The following PRAP1 variants were observed in gnomAD, a reference collection of about 807,000 sequenced individuals.
PRAP1 encodes the protein proline rich acidic protein 1, also known as proline-rich acidic protein 1.
In PRAP1, 12 loss-of-function variants were observed where a neutral mutation model predicts 14.6. That is an observed-to-expected ratio of 0.82 (90% CI 0.53 to 1.33). The LOEUF (loss-of-function observed/expected upper bound fraction) is 1.33. Among genes scored for constraint, PRAP1 ranks in the 40% most tolerant of loss-of-function variants. The pLI, the probability that PRAP1 is intolerant of heterozygous loss-of-function variation, is 0.00. For missense variants in PRAP1, 160 were observed against 193.7 expected, an observed-to-expected ratio of 0.83 and a Z score of 1.03; for synonymous variants, 81 against 80.3, an observed-to-expected ratio of 1.01 and a Z score of -0.04.
Position 133,352,359 on chromosome 10 carries a change from G to T in PRAP1, c.375G>T (p.Arg125Ser), listed in dbSNP as rs757706450. 1.9e-6 allele frequency: 3 copies of T among 1,613,116 alleles called. No individual in the cohort carries two copies. The South Asian group carries it at 3.3e-5, about 18-fold the overall frequency. ...PPPEEDQGEE[R>S]PRLWVMPNHQ... ...CTGAGGAGGACCAGGGCGAGGAGAGGCCCCGGTTGTGGGTGATGCCAAATC... is the reference window on the plus strand; with the variant it reads ...CTGAGGAGGACCAGGGCGAGGAGAGTCCCCGGTTGTGGGTGATGCCAAATC... The change falls in exon 5 of 5, where the codon AGG (arginine) becomes AGT (serine). Residue 125 changes from arginine to serine, a missense_variant. Arg to Ser is a moderately radical substitution (Grantham distance 110). Transcript: ENST00000433452.
chr10:133,352,480 C>A lies in PRAP1; in HGVS notation c.*40C>A. 1.3e-6 allele frequency: 2 copies of A among 1,571,948 alleles called. No homozygotes were observed. The highest frequency in any genetic ancestry group is 1.7e-6 in the Non-Finnish European group (2 of 1,148,562). ...TCACTGCCCCCGCCCTGTCCCAAGG[C>A]CCAGGCTGTTGGGACTGGGACCCTC... On this transcript the variant is annotated 3_prime_UTR_variant, in exon 5 of 5. Transcript: ENST00000433452.
intron 1 of PRAP1, among the ~76,000 whole-genome samples, chr10:133,349,891 G>A (rs186130967): frequency 6.6e-6 from 1 of 152,240 alleles, no homozygotes; most frequent in East Asian, 1.9e-4. Context: ...TCTGGCCTGA[G>A]GGGGGCTGGA....
At chr10:133,348,514 T>G (rs542338154) in intron 1 of PRAP1, among the ~76,000 whole-genome samples, 10,689 of 147,310 alleles carry the variant, frequency 0.073, 842 homozygotes, top group African/African-American at 0.21. Flanking sequence ...TAAGTTTTGT[T>G]TTTTTTTTTT....
In PRAP1 at chr10:133,351,133, G is replaced by A. The variant is rs1169769840; in HGVS notation, c.76-248G>A. Among the ~76,000 whole-genome samples, 3 of 152,124 alleles carry A rather than the reference G, an allele frequency of 2.0e-5. No homozygotes were observed. The highest frequency in any genetic ancestry group is 2.1e-4 in the South Asian group (1 of 4,826). ...CCCAGTCCTGTGCTGCCCCAGACCC[G>A]GCCAGAATTCCAGGCCAGCTGGTCA... On this transcript the variant is annotated intron_variant, in intron 2 of 4. Coordinates refer to ENST00000433452, the MANE Select transcript of PRAP1 (RefSeq NM_145202.5). This position sits in a 1 kb window ranked among gnomAD's most constrained non-coding sequence, Gnocchi z 4.3.
Position 133,352,615 on chromosome 10 carries a change from G to C in PRAP1, c.*175G>C. On this transcript the variant is annotated 3_prime_UTR_variant, in exon 5 of 5. Coordinates refer to ENST00000433452, the MANE Select transcript of PRAP1 (RefSeq NM_145202.5). ...GAGGCAGGCGGATCACCTGAAATCA[G>C]GAGTTCCAGACCAGCCTGGGCAACA... 1.7e-6 allele frequency: 1 copy of C among 593,700 alleles called. No homozygotes were observed. Among genetic ancestry groups the C allele is most frequent in the Non-Finnish European group, 3.0e-6 (1 of 333,300 alleles). The allele number at this position is 593,700 out of a possible 1,614,324, so 36.8% of individuals were successfully genotyped here.
rs370742302 is a variant in PRAP1, at chr10:133,347,767, G to T, written c.8+342G>T. Among the ~76,000 whole-genome samples the T allele has an allele frequency of 6.6e-6, 1 of 152,214 alleles. No individual in the cohort carries two copies. The highest frequency in any genetic ancestry group is 1.9e-4 in the East Asian group (1 of 5,162). ...GCTGGGGGAGGGGAGGGGCTGGGGCGCAGGAGCCAGGGGCTGCCCTGAGGT... is the reference window on the plus strand; with the variant it reads ...GCTGGGGGAGGGGAGGGGCTGGGGCTCAGGAGCCAGGGGCTGCCCTGAGGT... On this transcript the variant is annotated intron_variant, in intron 1 of 4. Coordinates refer to ENST00000433452, the MANE Select transcript of PRAP1 (RefSeq NM_145202.5). The surrounding 1 kb of genome is among the most constrained non-coding windows in gnomAD (Gnocchi z 5.0).
At chr10:133,349,433 C>T (rs1848642009) in intron 1 of PRAP1, among the ~76,000 whole-genome samples, 1 of 152,114 alleles carries the variant, frequency 6.6e-6, no homozygotes, top group African/African-American at 2.4e-5. Flanking sequence ...ACGACACCAC[C>T]CACAGCATAC....
intron 1 of PRAP1, 126 bp from the exon 2 acceptor site, chr10:133,349,969 G>A: frequency 1.3e-6 from 1 of 777,194 alleles, no homozygotes; most frequent in Non-Finnish European, 2.1e-6. Context: ...GCACAGTCCA[G>A]TAAAACTACC....
intron 1 of PRAP1, among the ~76,000 whole-genome samples, chr10:133,349,013 C>T (rs865901430): frequency 6.6e-6 from 1 of 151,066 alleles, no homozygotes; most frequent in African/African-American, 2.4e-5. Flanking sequence ...CAGAGCCCCG[C>T]CCCACCCCAA....
In PRAP1 at chr10:133,348,443, A is replaced by G. The variant is rs146808701; in HGVS notation, c.8+1018A>G. Among the ~76,000 whole-genome samples, 586 of 152,080 alleles carry G rather than the reference A, an allele frequency of 3.9e-3. 6 individuals carry two copies. The highest frequency in any genetic ancestry group is 0.013 in the African/African-American group (560 of 41,488). ...TCCAGGCCTGCAGGGTGTCCCAGAC[A>G]CTGATTCTTCTGCCTCAGCAGGAGT... is the stretch of plus-strand genomic sequence containing the variant. On this transcript the variant is annotated intron_variant, in intron 1 of 4. Coordinates refer to ENST00000433452, the MANE Select transcript of PRAP1 (RefSeq NM_145202.5).
At position 133,347,911 on chromosome 10, in the gene PRAP1, G is replaced by A. The variant is rs900082372; in HGVS notation, c.8+486G>A. Reference sequence around the variant, plus strand: ...TGTCTGTCTTCCCCCTCCTTGTGTGGGGGACCCCTCTCCCCGCTCCTGTGG... The same window carrying A: ...TGTCTGTCTTCCCCCTCCTTGTGTGAGGGACCCCTCTCCCCGCTCCTGTGG... On this transcript the variant is annotated intron_variant, in intron 1 of 4. Coordinates refer to ENST00000433452, the MANE Select transcript of PRAP1 (RefSeq NM_145202.5). This position sits in a 1 kb window ranked among gnomAD's most constrained non-coding sequence, Gnocchi z 5.0. Among the ~76,000 whole-genome samples the A allele has an allele frequency of 6.6e-6, 1 of 152,088 alleles. No individual in the cohort carries two copies. Among genetic ancestry groups the A allele is most frequent in the Non-Finnish European group, 1.5e-5 (1 of 67,984 alleles).
In PRAP1 at chr10:133,351,440, C is replaced by T. The variant is rs567777046; in HGVS notation, c.128+7C>T. The T allele has an allele frequency of 7.5e-6, 12 of 1,597,842 alleles. No homozygotes were observed. The highest frequency in any genetic ancestry group is 2.3e-5 in the South Asian group (2 of 88,804). Reference sequence around the variant, plus strand: ...CAGAGCAGGACCCAGAGAAGTAAGTCCCCCCAACCCCACCTCCCCACCACC... The same window carrying T: ...CAGAGCAGGACCCAGAGAAGTAAGTTCCCCCAACCCCACCTCCCCACCACC... On this transcript the variant is annotated splice_region_variant and intron_variant, in intron 3 of 4. Coordinates refer to ENST00000433452, the MANE Select transcript of PRAP1 (RefSeq NM_145202.5). The surrounding 1 kb of genome is among the most constrained non-coding windows in gnomAD (Gnocchi z 4.3).
chr10:133,352,403 C>A lies in PRAP1; in HGVS notation c.419C>A (p.Pro140Gln), dbSNP rs759778762. 6.2e-7 allele frequency: 1 copy of A among 1,612,734 alleles called. No homozygotes were observed. The highest frequency in any genetic ancestry group is 1.3e-5 in the African/African-American group (1 of 74,898). ...CCAAATCACCAGGTGCTCCTGGGAC[C>A]GGAGGAAGACCAAGACCACATCTAC... ...VMPNHQVLLG[P>Q]EEDQDHIYHP... Residue 140 changes from proline to glutamine, a missense_variant, in exon 5 of 5, where the codon CCG becomes CAG. Physicochemically the swap from Pro to Gln is moderately conservative, Grantham distance 76 (BLOSUM62 -1). Coordinates refer to ENST00000433452, the MANE Select transcript of PRAP1 (RefSeq NM_145202.5).
intron 2 of PRAP1, among the ~76,000 whole-genome samples, 190 bp downstream of exon 2, chr10:133,350,351 T>C (rs1235310025): frequency 1.3e-5 from 2 of 152,178 alleles, no homozygotes; most frequent in African/African-American, 4.8e-5. Context: ...TTCCCTTCCC[T>C]GGGGTCAGAT....
intron 2 of PRAP1, 117 bp downstream of exon 2, chr10:133,350,278 G>GTTT: frequency 1.1e-6 from 1 of 870,522 alleles, no homozygotes; most frequent in Non-Finnish European, 1.8e-6. Context: ...CTGGCTTAGG[G>GTTT]GAGAGAGGCA....
In PRAP1 at chr10:133,352,126, G is replaced by A. The variant is rs1007423177; in HGVS notation, c.248G>A (p.Gly83Asp). 6.2e-7 allele frequency: 1 copy of A among 1,613,046 alleles called. No homozygotes were observed. Among genetic ancestry groups the A allele is most frequent in the Non-Finnish European group, 8.5e-7 (1 of 1,179,960 alleles). Reference sequence around the variant, plus strand: ...GAGAAGCCACGAGGTCAGGGCAGGGGCCCCATCCTTCCAGGTGGGCACAAG... The same window carrying A: ...GAGAAGCCACGAGGTCAGGGCAGGGACCCCATCCTTCCAGGTGGGCACAAG... ...TEEKPRGQGR[G>D]PILPGTKAWM... Residue 83 changes from glycine (G) to aspartate (D), a missense_variant, in exon 4 of 5, where the codon GGC becomes GAC. By Grantham distance (94) the Gly-to-Asp change is moderately conservative. Coordinates refer to ENST00000433452, the MANE Select transcript of PRAP1 (RefSeq NM_145202.5).
intron 1 of PRAP1, among the ~76,000 whole-genome samples, chr10:133,348,515 T>G (rs1022686657): frequency 9.9e-5 from 15 of 151,454 alleles, no homozygotes; most frequent in Non-Finnish European, 1.3e-4. Context: ...AAGTTTTGTT[T>G]TTTTTTTTTT....
chr10:133,348,706 T>G (rs1051178375), intron 1 of PRAP1, among the ~76,000 whole-genome samples: 2 of 149,332 alleles, frequency 1.3e-5, no homozygotes, highest in African/African-American at 4.9e-5. Flanking sequence ...TTTTGTATTT[T>G]TAGTAGAGAC....
Position 133,352,120 on chromosome 10 carries a change from G to A in PRAP1, c.242G>A (p.Gly81Asp), listed in dbSNP as rs1453079811. The A allele has an allele frequency of 6.2e-6, 10 of 1,612,986 alleles. No homozygotes were observed. The highest frequency in any genetic ancestry group is 1.3e-5 in the African/African-American group (1 of 74,894). The change falls in exon 4 of 5, where the codon GGC becomes GAC. Residue 81 changes from glycine (G) to aspartate (D), a missense_variant. Coordinates refer to ENST00000433452, the MANE Select transcript of PRAP1 (RefSeq NM_145202.5). ...LTTEEKPRGQ[G>D]RGPILPGTKA... is the part of the protein sequence containing the mutation. ...ACCGAGGAGAAGCCACGAGGTCAGG[G>A]CAGGGGCCCCATCCTTCCAGGTGGG...
Sources: gnomAD v4.1 joint callset for allele counts (sites outside exome capture counted in the v4.1 genomes callset) on GRCh38, gnomAD v4.1.1 for gene constraint, Gnocchi (gnomAD v3.1) non-coding constraint, MANE v1.5 for transcripts, NCBI Gene and HGNC (gene_info 2026-07-23, HGNC 2026-07-21) for gene names.